Variants in SNRPC observed in about 807,000 individuals in gnomAD.
SNRPC encodes the protein small nuclear ribonucleoprotein polypeptide C.
SNRPC carries 5 observed loss-of-function variants against 20.0 expected under a neutral mutation model. That is an observed-to-expected ratio of 0.25 (90% CI 0.13 to 0.53). SNRPC has a LOEUF of 0.53. Ranked by LOEUF, SNRPC falls within the 20% of genes least tolerant of loss-of-function variation. The pLI, the probability that SNRPC is intolerant of heterozygous loss-of-function variation, is 0.96. For synonymous variants in SNRPC, 61 were observed against 58.7 expected (o/e 1.04, Z -0.18); for missense variants, 112 against 224.1 (o/e 0.50, Z 3.19).
intron 2 of SNRPC, among the ~76,000 whole-genome samples, chr6:34,759,036 A>AG (rs1346157806): frequency 5.3e-5 from 8 of 150,030 alleles, no homozygotes; most frequent in East Asian, 3.9e-4. Context: ...AAAAAAAAAA[A>AG]AAAAAAAAAG....
chr6:34,770,607 A>T (rs1764673959), intron 5 of SNRPC, among the ~76,000 whole-genome samples: 1 of 152,244 alleles, frequency 6.6e-6, no homozygotes, highest in African/African-American at 2.4e-5. Context: ...ATTATTAATG[A>T]TAAAGAAAAA....
intron 2 of SNRPC, among the ~76,000 whole-genome samples, chr6:34,758,542 C>G (rs1236201188): frequency 6.6e-6 from 1 of 151,950 alleles, no homozygotes; most frequent in Non-Finnish European, 1.5e-5. Context: ...CTCGAACTCC[C>G]GACCTCAGGC....
At chr6:34,761,107 G>A (rs1044697687) in intron 2 of SNRPC, among the ~76,000 whole-genome samples, 1 of 151,558 alleles carries the variant, frequency 6.6e-6, no homozygotes, top group Non-Finnish European at 1.5e-5. Context: ...CAGTAGTGCT[G>A]TAATTTTTGG....
intron 2 of SNRPC, among the ~76,000 whole-genome samples, chr6:34,762,060 T>C (rs1014787931): frequency 6.6e-6 from 1 of 152,086 alleles, no homozygotes; most frequent in Non-Finnish European, 1.5e-5. Context: ...TCACAGCACT[T>C]TGGGAGGCCA....
intron 1 of SNRPC, 54 bp from the exon 2 acceptor site, chr6:34,757,858 G>A: frequency 1.2e-6 from 2 of 1,606,486 alleles, no homozygotes; most frequent in Non-Finnish European, 1.7e-6. Flanking sequence ...GCGCTTCCGT[G>A]GATGGGCATC....
At chr6:34,770,478 G>C in intron 5 of SNRPC, 83 bp downstream of exon 5, 1 of 874,288 alleles carries the variant, frequency 1.1e-6, no homozygotes, top group Non-Finnish European at 1.9e-6. Context: ...AAGGAAGTCA[G>C]TATGTGTAGC....
chr6:34,764,903 C>G (rs1376767173), intron 3 of SNRPC, among the ~76,000 whole-genome samples: 2 of 151,956 alleles, frequency 1.3e-5, no homozygotes, highest in African/African-American at 4.8e-5. Flanking sequence ...TGCCTGTAAT[C>G]CCAGCTACTT....
chr6:34,760,743 G>A (rs1203459772), intron 2 of SNRPC, among the ~76,000 whole-genome samples: 2 of 152,098 alleles, frequency 1.3e-5, no homozygotes, highest in African/African-American at 4.8e-5. Flanking sequence ...GATCCCTGCA[G>A]TGGACTTAGA....
chr6:34,766,051 T>C (rs1288961891), intron 3 of SNRPC, among the ~76,000 whole-genome samples: 4 of 152,042 alleles, frequency 2.6e-5, no homozygotes, highest in African/African-American at 9.7e-5. Context: ...CATTGTCCCA[T>C]TTCATATGAA....
intron 3 of SNRPC, among the ~76,000 whole-genome samples, chr6:34,764,287 C>G (rs975518253): frequency 6.6e-6 from 1 of 151,572 alleles, no homozygotes; most frequent in Non-Finnish European, 1.5e-5. Context: ...CGAAACCAGC[C>G]TCAACATGGA....
At chr6:34,762,738 T>C in intron 3 of SNRPC, 35 bp downstream of exon 3, 1 of 1,109,882 alleles carries the variant, frequency 9.0e-7, no homozygotes, top group South Asian at 1.3e-5. Context: ...TGTGGTAAAA[T>C]GGTCCTATTC....
rs1047012633 is a variant in SNRPC, at chr6:34,759,720, A to T, written c.51+1766A>T. On this transcript the variant is annotated intron_variant, in intron 2 of 5. Coordinates refer to ENST00000244520, the MANE Select transcript of SNRPC (RefSeq NM_003093.3). ...GCATCATCAGTGAAAATGTCAATAC[A>T]GTGAAAAAGGAAAGTAATGGCTTAG... Among the ~76,000 whole-genome samples, 4 of 152,348 alleles carry T rather than the reference A, an allele frequency of 2.6e-5. No individual in the cohort carries two copies. In the East Asian group the frequency reaches 7.7e-4, roughly 29 times the overall value.
intron 3 of SNRPC, among the ~76,000 whole-genome samples, chr6:34,764,049 G>A (rs944106280): frequency 6.6e-6 from 1 of 151,520 alleles, no homozygotes; most frequent in Non-Finnish European, 1.5e-5. Flanking sequence ...ACAATAAAAA[G>A]GCAAAACTGT....
chr6:34,757,966 A>G lies in SNRPC; in HGVS notation c.51+12A>G, dbSNP rs746133661. 2 of 1,603,136 alleles carry G rather than the reference A, an allele frequency of 1.2e-6. No homozygotes were observed. Among genetic ancestry groups the G allele is most frequent in the Non-Finnish European group, 1.7e-6 (2 of 1,177,748 alleles). ...TCACCCATGACTCTGTAAGTGGCAT[A>G]TCTATTCATAGTTTCAAAAAGCCTT... is the stretch of plus-strand genomic sequence containing the variant. On this transcript the variant is annotated intron_variant, in intron 2 of 5. Coordinates refer to ENST00000244520, the MANE Select transcript of SNRPC (RefSeq NM_003093.3).
At chr6:34,772,507 T>C (rs1289192466) in intron 5 of SNRPC, among the ~76,000 whole-genome samples, 6 of 152,230 alleles carry the variant, frequency 3.9e-5, no homozygotes, top group African/African-American at 1.2e-4. Context: ...TTTGTGTCTT[T>C]GCATATTCTT....
chr6:34,765,417 ATATTTATT>A lies in SNRPC; in HGVS notation c.161-2473_161-2466del, dbSNP rs201470184. Among the ~76,000 whole-genome samples the A allele has an allele frequency of 1.0e-3, 152 of 150,938 alleles. 1 individual carries two copies. Among genetic ancestry groups the A allele is most frequent in the African/African-American group, 2.8e-3 (117 of 41,306 alleles). On this transcript the variant is annotated intron_variant, in intron 3 of 5. Coordinates refer to ENST00000244520, the MANE Select transcript of SNRPC (RefSeq NM_003093.3). ...TCCCAGTTTTTAAAATTTATCTTAT[ATATTTATT>A]TATTTATTTATTTATTTTATTTATT...
chr6:34,770,117 G>A (rs562671329), intron 4 of SNRPC, among the ~76,000 whole-genome samples, 174 bp from the exon 5 acceptor site: 15 of 152,372 alleles, frequency 9.8e-5, no homozygotes, highest in Admixed American at 2.6e-4. Context: ...AGCTACTTGG[G>A]AGGCTGAGGC....
Position 34,773,439 on chromosome 6 carries a change from C to T in SNRPC, c.356-7C>T. On this transcript the variant is annotated splice_polypyrimidine_tract_variant and splice_region_variant and intron_variant, in intron 5 of 5. Transcript: ENST00000244520. The surrounding 1 kb of genome is among the most constrained non-coding windows in gnomAD (Gnocchi z 4.1). ...TTTTTCTCCCTCTTCTTTGTTTTGT[C>T]CTGCAGCTCCTGGAATGAGGCCGCC... 1 of 1,613,020 alleles carries T rather than the reference C, an allele frequency of 6.2e-7. No individual in the cohort carries two copies. The highest frequency in any genetic ancestry group is 1.1e-5 in the South Asian group (1 of 91,068).
intron 3 of SNRPC, 66 bp downstream of exon 3, chr6:34,762,769 T>C: frequency 2.4e-6 from 2 of 827,886 alleles, no homozygotes; most frequent in Non-Finnish European, 4.1e-6. Flanking sequence ...CTGTCTCTGG[T>C]GTTTTTCACA....
Sources: allele counts gnomAD v4.1 joint callset (sites outside exome capture counted in the v4.1 genomes callset), GRCh38; gene constraint gnomAD v4.1.1; non-coding constraint Gnocchi (gnomAD v3.1); transcripts MANE v1.5; gene names NCBI Gene and HGNC (gene_info 2026-07-23, HGNC 2026-07-21).